ARHGAP26: variants seen among roughly 807,000 people sequenced by gnomAD.
ARHGAP26 encodes Rho GTPase activating protein 26.
ARHGAP26 carries 38 observed loss-of-function variants against 104.8 expected under a neutral mutation model. That is an observed-to-expected ratio of 0.36 (90% CI 0.28 to 0.48). ARHGAP26 has a LOEUF of 0.48. Among genes scored for constraint, ARHGAP26 ranks in the 20% least tolerant of loss-of-function variants. The pLI is 0.99. For missense variants in ARHGAP26, 704 were observed against 947.9 expected, an observed-to-expected ratio of 0.74 and a Z score of 3.38; for synonymous variants, 341 against 340.0, an observed-to-expected ratio of 1.00 and a Z score of -0.03.
Position 143,034,190 on chromosome 5 carries a change from A to G in ARHGAP26, c.1145-3006A>G, listed in dbSNP as rs150661836. Among the ~76,000 whole-genome samples the G allele has an allele frequency of 1.3e-3, 200 of 152,328 alleles. 1 individual carries two copies. Among genetic ancestry groups the G allele is most frequent in the African/African-American group, 4.7e-3 (194 of 41,568 alleles). On this transcript the variant is annotated intron_variant, in intron 12 of 22. Transcript: ENST00000645722. ...CAGCTGCTTAGAAAACAGTTTGGCA[A>G]TTCCTCAAAAAGTTAAGCACGGTGT...
At chr5:142,928,553 G>A (rs913715897) in intron 10 of ARHGAP26, among the ~76,000 whole-genome samples, 1 of 152,122 alleles carries the variant, frequency 6.6e-6, no homozygotes, top group Non-Finnish European at 1.5e-5. Context: ...TGGGGGCTGC[G>A]GTGCCATCAC....
At chr5:142,808,395 T>G (rs1413066126) in intron 1 of ARHGAP26, among the ~76,000 whole-genome samples, 1 of 151,896 alleles carries the variant, frequency 6.6e-6, no homozygotes, top group Admixed American at 6.6e-5. Context: ...CAAATTTTGT[T>G]TAGTAGTAAT....
At chr5:143,048,792 T>C in intron 14 of ARHGAP26, among the ~76,000 whole-genome samples, 1 of 151,504 alleles carries the variant, frequency 6.6e-6, no homozygotes, top group Non-Finnish European at 1.5e-5. Context: ...TGCACATCTG[T>C]AGTCCCAGCT....
intron 22 of ARHGAP26, chr5:143,216,548 CCTAACAATT>C (rs1448669432): frequency 2.5e-5 from 8 of 324,826 alleles, no homozygotes; most frequent in Non-Finnish European, 6.1e-6. Context: ...CCACCTGTCA[CCTAACAATT>C]CTGTAACTGC....
At chr5:142,781,909 G>A (rs547090051) in intron 1 of ARHGAP26, among the ~76,000 whole-genome samples, 1 of 152,116 alleles carries the variant, frequency 6.6e-6, no homozygotes, top group Admixed American at 6.6e-5. Context: ...TAGAGATGGG[G>A]TTTCACCGTG....
chr5:143,123,125 T>C (rs1483824821), intron 18 of ARHGAP26, among the ~76,000 whole-genome samples: 2 of 152,220 alleles, frequency 1.3e-5, no homozygotes, highest in African/African-American at 4.8e-5. Context: ...TGTCCACCAG[T>C]GTTCATTCCC....
Position 143,227,492 on chromosome 5 carries a change from G to C in ARHGAP26, c.*5046G>C, listed in dbSNP as rs1443823259. ...CAGCCACACCGATCGGCTGGGTGCT[G>C]AACCGCCTCTCTGTAATTGTAGCAT... is the stretch of plus-strand genomic sequence containing the variant. On this transcript the variant is annotated 3_prime_UTR_variant, in exon 23 of 23. Transcript: ENST00000645722. The C allele has an allele frequency of 1.7e-5, 4 of 231,176 alleles. No individual in the cohort carries two copies. 14.3% of individuals were successfully genotyped at this position (231,176 alleles called of 1,614,324 possible).
At chr5:142,864,386 T>G (rs890114241) in intron 1 of ARHGAP26, among the ~76,000 whole-genome samples, 27 of 152,222 alleles carry the variant, frequency 1.8e-4, no homozygotes, top group Non-Finnish European at 7.3e-5. Flanking sequence ...AAACCCATAC[T>G]GCTTTGAGTT....
chr5:143,162,162 C>G (rs1262195734), intron 20 of ARHGAP26, among the ~76,000 whole-genome samples: 1 of 147,500 alleles, frequency 6.8e-6, no homozygotes, highest in Admixed American at 6.7e-5. Context: ...AAGCCTGCAT[C>G]CCCTCTGTAG....
intron 1 of ARHGAP26, among the ~76,000 whole-genome samples, chr5:142,827,696 T>A (rs969125630): frequency 1.3e-5 from 2 of 152,224 alleles, no homozygotes; most frequent in African/African-American, 4.8e-5. Flanking sequence ...CTGGCTCTGC[T>A]GCTTACCCTC....
At chr5:142,972,456 C>T (rs1772429126) in intron 11 of ARHGAP26, among the ~76,000 whole-genome samples, 1 of 151,636 alleles carries the variant, frequency 6.6e-6, no homozygotes, top group Admixed American at 6.6e-5. Context: ...TTTGAGGGGC[C>T]TTTTTTTGTT....
At chr5:143,063,110 T>C (rs1156879403) in intron 17 of ARHGAP26, among the ~76,000 whole-genome samples, 1 of 152,254 alleles carries the variant, frequency 6.6e-6, no homozygotes, top group East Asian at 1.9e-4. Flanking sequence ...GCTGGGCCAC[T>C]GGTGGTATGG....
chr5:143,057,516 G>T, intron 16 of ARHGAP26, 126 bp from the exon 17 acceptor site: 1 of 762,006 alleles, frequency 1.3e-6, no homozygotes. Flanking sequence ...ACACAAGACA[G>T]GATTGTAAAT....
At chr5:143,105,405 A>ATAAATAAG (rs1793856661) in intron 17 of ARHGAP26, among the ~76,000 whole-genome samples, 2 of 151,136 alleles carry the variant, frequency 1.3e-5, no homozygotes, top group African/African-American at 4.8e-5. Flanking sequence ...AAATAAATAA[A>ATAAATAAG]TAAATAAATA....
chr5:142,864,043 C>T (rs776706855), intron 1 of ARHGAP26, among the ~76,000 whole-genome samples: 1 of 152,066 alleles, frequency 6.6e-6, no homozygotes, highest in Non-Finnish European at 1.5e-5. Context: ...CCCACCAGCC[C>T]CTACCGGTTT....
intron 11 of ARHGAP26, among the ~76,000 whole-genome samples, chr5:142,946,282 T>G (rs1767085803): frequency 6.6e-6 from 1 of 152,212 alleles, no homozygotes; most frequent in South Asian, 2.1e-4. Flanking sequence ...TTATCTGTAT[T>G]GTAGTTGTTG....
At chr5:142,906,583 T>C (rs1034843381) in intron 8 of ARHGAP26, among the ~76,000 whole-genome samples, 9 of 152,244 alleles carry the variant, frequency 5.9e-5, no homozygotes, top group African/African-American at 2.2e-4. Flanking sequence ...TGGGTTCCTC[T>C]TTTGTTCAGG....
intron 11 of ARHGAP26, among the ~76,000 whole-genome samples, chr5:142,989,660 A>G (rs1418115712): frequency 2.0e-5 from 3 of 152,166 alleles, no homozygotes; most frequent in Non-Finnish European, 4.4e-5. Flanking sequence ...GGTGGTGACA[A>G]AATCTCTCAG....
At chr5:143,217,732 A>G (rs1441332822) in intron 22 of ARHGAP26, among the ~76,000 whole-genome samples, 1 of 152,144 alleles carries the variant, frequency 6.6e-6, no homozygotes, top group East Asian at 1.9e-4. Flanking sequence ...CTTCGCTGCC[A>G]CGCCCAAGCC....
Sources: allele counts gnomAD v4.1 joint callset (sites outside exome capture counted in the v4.1 genomes callset), GRCh38; gene constraint gnomAD v4.1.1; transcripts MANE v1.5; gene names NCBI Gene and HGNC (gene_info 2026-07-23, HGNC 2026-07-21).